Variants in MYO3B observed in about 807,000 individuals in gnomAD.
MYO3B encodes the protein myosin-IIIb.
In MYO3B, 156 loss-of-function variants were observed where a neutral mutation model predicts 174.6. The ratio of observed to expected loss-of-function variants is 0.89; its 90% confidence interval spans 0.78 to 1.02. The LOEUF is 1.02. Ranked by LOEUF, MYO3B falls within the 50% of genes least tolerant of loss-of-function variation. The probability of loss-of-function intolerance (pLI) is 0.00; values close to 1 mark genes in which losing one functional copy is unlikely to be tolerated. For synonymous variants in MYO3B, 563 were observed against 569.1 expected (o/e 0.99, Z 0.15); for missense variants, 1,632 against 1,639.4 (o/e 1.00, Z 0.08).
At chr2:170,382,199 TAAGGTCATTTGAA>T in intron 10 of MYO3B, 87 bp downstream of exon 10, 1 of 1,070,186 alleles carries the variant, frequency 9.3e-7, no homozygotes, top group South Asian at 1.4e-5. Flanking sequence ...CATGTCCTCC[TAAGGTCATTTGAA>T]AATTTAATTG....
chr2:170,317,467 AC>A (rs2105484903), intron 7 of MYO3B, among the ~76,000 whole-genome samples: 1 of 151,814 alleles, frequency 6.6e-6, no homozygotes, highest in East Asian at 1.9e-4. Flanking sequence ...AGGGCTGTAA[AC>A]TCTGTTTTGA....
chr2:170,387,221 A>C lies in MYO3B; in HGVS notation c.1490A>C (p.Glu497Ala). The C allele has an allele frequency of 6.2e-7, 1 of 1,614,140 alleles. No homozygotes were observed. The highest frequency in any genetic ancestry group is 8.5e-7 in the Non-Finnish European group (1 of 1,179,988). ...TCGAGCCGTTTTGGAAAATATCTGG[A>C]AATGATGTTTACACCAACTGGAGTT... ...DNSSRFGKYLEMMFTPTGVVM... is the reference protein window; with the variant it reads ...DNSSRFGKYLAMMFTPTGVVM... Residue 497 changes from glutamate to alanine, a missense_variant, in exon 14 of 35, where the codon GAA becomes GCA. Physicochemically the swap from Glu to Ala is moderately radical, Grantham distance 107. Coordinates refer to ENST00000408978, the MANE Select transcript of MYO3B (RefSeq NM_138995.5).
chr2:170,603,390 C>T (rs1694632871), intron 32 of MYO3B, among the ~76,000 whole-genome samples: 1 of 152,154 alleles, frequency 6.6e-6, no homozygotes, highest in Non-Finnish European at 1.5e-5. Context: ...TATGCATTTG[C>T]TATATAAGCC....
chr2:170,331,361 A>AT (rs1558897601), intron 7 of MYO3B, among the ~76,000 whole-genome samples: 1 of 152,118 alleles, frequency 6.6e-6, no homozygotes. Flanking sequence ...TACAAGAGGG[A>AT]TTAGAGGGGT....
intron 32 of MYO3B, among the ~76,000 whole-genome samples, chr2:170,587,868 T>G (rs1480086233): frequency 1.3e-5 from 2 of 152,228 alleles, no homozygotes; most frequent in Admixed American, 1.3e-4. Context: ...TGAAAGCAGC[T>G]GAAGAATTTT....
intron 8 of MYO3B, among the ~76,000 whole-genome samples, chr2:170,365,137 T>C (rs1353471864): frequency 6.6e-6 from 1 of 152,192 alleles, no homozygotes; most frequent in Non-Finnish European, 1.5e-5. Flanking sequence ...CGAAGTATTG[T>C]TTCGTACGTT....
chr2:170,340,840 C>T (rs3088022), intron 8 of MYO3B: 101,888 of 151,856 alleles, frequency 0.67, 34,372 homozygotes, highest in Admixed American at 0.72. Context: ...TTCTTAATTG[C>T]CTTCTGCTTA....
chr2:170,204,587 T>C (rs907762404), intron 3 of MYO3B, among the ~76,000 whole-genome samples: 1 of 152,208 alleles, frequency 6.6e-6, no homozygotes, highest in Non-Finnish European at 1.5e-5. Flanking sequence ...TTTTGGAAAA[T>C]AGATGTGGAA....
At chr2:170,637,177 T>G (rs966758975) in intron 32 of MYO3B, among the ~76,000 whole-genome samples, 6 of 150,602 alleles carry the variant, frequency 4.0e-5, no homozygotes, top group Admixed American at 6.6e-5. Flanking sequence ...TAGGGTTTTT[T>G]TTTTTTTTTT....
At chr2:170,365,771 TC>T (rs2094193580) in intron 8 of MYO3B, among the ~76,000 whole-genome samples, 1 of 152,182 alleles carries the variant, frequency 6.6e-6, no homozygotes, top group Non-Finnish European at 1.5e-5. Context: ...GTTGTGCTGA[TC>T]CTGTGGTATG....
At chr2:170,493,683 T>C (rs545296230) in intron 25 of MYO3B, among the ~76,000 whole-genome samples, 19 of 152,340 alleles carry the variant, frequency 1.2e-4, no homozygotes, top group African/African-American at 4.1e-4. Flanking sequence ...GTATGTCATT[T>C]CTAAGCCTAG....
chr2:170,559,358 C>A (rs115923641), intron 32 of MYO3B, among the ~76,000 whole-genome samples: 48 of 152,296 alleles, frequency 3.2e-4, no homozygotes, highest in African/African-American at 1.1e-3. Context: ...CTATATTTGG[C>A]TGTAGACTGT....
chr2:170,216,705 A>G (rs369294935), intron 5 of MYO3B, among the ~76,000 whole-genome samples: 23 of 152,348 alleles, frequency 1.5e-4, no homozygotes, highest in East Asian at 1.3e-3. Context: ...TTTTATGTCT[A>G]CACTGATGCT....
chr2:170,220,720 C>T (rs1425578089), intron 6 of MYO3B, among the ~76,000 whole-genome samples: 4 of 152,004 alleles, frequency 2.6e-5, no homozygotes, highest in Non-Finnish European at 5.9e-5. Flanking sequence ...AAGTGGTTCC[C>T]CTGTTAGCTG....
intron 8 of MYO3B, among the ~76,000 whole-genome samples, chr2:170,366,117 C>T (rs2094196195): frequency 6.6e-6 from 1 of 152,244 alleles, no homozygotes; most frequent in East Asian, 1.9e-4. Context: ...TGCATCATCC[C>T]TGTATGTAAG....
chr2:170,234,750 A>T (rs555809498), intron 6 of MYO3B, among the ~76,000 whole-genome samples: 1 of 152,284 alleles, frequency 6.6e-6, no homozygotes, highest in African/African-American at 2.4e-5. Flanking sequence ...GTGGTTGCTC[A>T]TGTCAAAAAC....
At chr2:170,474,828 GA>G (rs1290280791) in intron 25 of MYO3B, among the ~76,000 whole-genome samples, 1 of 125,110 alleles carries the variant, frequency 8.0e-6, no homozygotes, top group Non-Finnish European at 1.6e-5. Context: ...CTGTGTCCTA[GA>G]ATAAATGACA....
chr2:170,234,349 G>A (rs1252517082), intron 6 of MYO3B, among the ~76,000 whole-genome samples: 1 of 152,170 alleles, frequency 6.6e-6, no homozygotes, highest in Non-Finnish European at 1.5e-5. Context: ...CATCTGGTGT[G>A]GGCCTTCATA....
At chr2:170,255,084 C>T (rs1431884159) in intron 7 of MYO3B, among the ~76,000 whole-genome samples, 3 of 152,190 alleles carry the variant, frequency 2.0e-5, no homozygotes, top group African/African-American at 4.8e-5. Context: ...GGGGATCCTA[C>T]GCCCTTGACT....
Sources: allele counts gnomAD v4.1 joint callset (sites outside exome capture counted in the v4.1 genomes callset), GRCh38; gene constraint gnomAD v4.1.1; transcripts MANE v1.5; gene names NCBI Gene and HGNC (gene_info 2026-07-23, HGNC 2026-07-21).